The following MYO1D variants were observed in gnomAD, a reference collection of about 807,000 sequenced individuals.
MYO1D encodes unconventional myosin-Id.
A neutral mutation model predicts 122.0 loss-of-function variants in MYO1D; 83 were observed. That is an observed-to-expected ratio of 0.68 (90% CI 0.57 to 0.82). The LOEUF (loss-of-function observed/expected upper bound fraction) is 0.82, where lower values mean the gene tolerates loss of function less well. Among genes scored for constraint, MYO1D ranks in the 40% least tolerant of loss-of-function variants. The probability of loss-of-function intolerance (pLI) is 0.00; values close to 1 mark genes in which losing one functional copy is unlikely to be tolerated. For synonymous variants in MYO1D, 464 were observed against 446.9 expected (o/e 1.04, Z -0.48); for missense variants, 1,157 against 1,269.5 (o/e 0.91, Z 1.35).
intron 5 of MYO1D, among the ~76,000 whole-genome samples, chr17:32,772,015 T>A (rs1319438069): frequency 6.6e-6 from 1 of 152,200 alleles, no homozygotes; most frequent in East Asian, 1.9e-4. Context: ...TTAAACTTAA[T>A]ATACCAGAAC....
chr17:32,836,602 T>C (rs1042801762), intron 1 of MYO1D, among the ~76,000 whole-genome samples: 1 of 152,182 alleles, frequency 6.6e-6, no homozygotes, highest in Non-Finnish European at 1.5e-5. Context: ...CTTCCTTTGT[T>C]CAACATAGTG....
chr17:32,785,291 A>T (rs907785826), intron 1 of MYO1D, among the ~76,000 whole-genome samples: 1 of 152,192 alleles, frequency 6.6e-6, no homozygotes, highest in African/African-American at 2.4e-5. Context: ...AAATATATGG[A>T]ACCAATTATA....
intron 16 of MYO1D, among the ~76,000 whole-genome samples, chr17:32,709,328 T>G (rs940253759): frequency 2.6e-5 from 4 of 151,962 alleles, no homozygotes; most frequent in African/African-American, 9.7e-5. Context: ...CTTGAATCAA[T>G]CAATCTCTTG....
intron 1 of MYO1D, among the ~76,000 whole-genome samples, chr17:32,827,187 C>T (rs985286938): frequency 6.6e-6 from 1 of 152,160 alleles, no homozygotes; most frequent in East Asian, 1.9e-4. Flanking sequence ...TATGAACACA[C>T]AATGGAATAT....
At position 32,765,159 on chromosome 17, in the gene MYO1D, AGG is replaced by A. The variant is rs2090042989; in HGVS notation, c.832-80_832-79del. On this transcript the variant is annotated intron_variant, in intron 7 of 21. Transcript: ENST00000318217. ...TATTTGCCAATATAAAATACAATTC[AGG>A]TGACCTTGTTTGTACCTATTTTCCT... The A allele has an allele frequency of 9.0e-6, 11 of 1,220,090 alleles. No homozygotes were observed. In the South Asian group the frequency reaches 1.5e-4, roughly 16 times the overall value. The allele number at this position is 1,220,090 out of a possible 1,614,324, so 75.6% of individuals were successfully genotyped here. A position where few individuals can be genotyped will look rare whatever the true frequency, so the allele number is the denominator to read the frequency against.
intron 21 of MYO1D, among the ~76,000 whole-genome samples, chr17:32,533,723 T>C (rs1225263933): frequency 6.6e-6 from 1 of 152,184 alleles, no homozygotes; most frequent in Non-Finnish European, 1.5e-5. Flanking sequence ...AGTTCCACCA[T>C]GTGCTGAGCT....
chr17:32,508,103 G>A (rs993377785), intron 21 of MYO1D, among the ~76,000 whole-genome samples: 1 of 151,842 alleles, frequency 6.6e-6, no homozygotes, highest in Non-Finnish European at 1.5e-5. Context: ...CATCATGTTG[G>A]CCAGGCTGGT....
intron 21 of MYO1D, among the ~76,000 whole-genome samples, chr17:32,572,012 C>T (rs2087234079): frequency 3.3e-5 from 5 of 152,086 alleles, no homozygotes; most frequent in Admixed American, 1.3e-4. Context: ...GATATATATC[C>T]ACTGACTTCC....
chr17:32,632,760 G>C (rs886350952), intron 20 of MYO1D, among the ~76,000 whole-genome samples: 1 of 151,998 alleles, frequency 6.6e-6, no homozygotes, highest in African/African-American at 2.4e-5. Context: ...AGGTAAGACG[G>C]AAAGGAGGGT....
chr17:32,703,451 G>GT (rs919547291), intron 16 of MYO1D, among the ~76,000 whole-genome samples: 3,322 of 141,914 alleles, frequency 0.023, 54 homozygotes, highest in African/African-American at 0.043. Flanking sequence ...CCTTTTGCTT[G>GT]TTTTTTTTTT....
chr17:32,682,508 T>G (rs1461128613), intron 16 of MYO1D, among the ~76,000 whole-genome samples: 1 of 151,626 alleles, frequency 6.6e-6, no homozygotes, highest in South Asian at 2.1e-4. Flanking sequence ...CCTTCACTTA[T>G]GAAGCTTAGT....
At chr17:32,770,210 C>T (rs1322400728) in intron 6 of MYO1D, among the ~76,000 whole-genome samples, 1 of 152,106 alleles carries the variant, frequency 6.6e-6, no homozygotes, top group Non-Finnish European at 1.5e-5. Context: ...TACAGCTAAA[C>T]CAATAATGCA....
In MYO1D at chr17:32,711,971, A is replaced by G. The variant is rs2089382226; in HGVS notation, c.2121+17T>C. On this transcript the variant is annotated intron_variant, in intron 16 of 21. Coordinates refer to ENST00000318217, the MANE Select transcript of MYO1D (RefSeq NM_015194.3). ...TAAAAGCAAAATCTTATCCTTATATATAAAATATAAAATTACCTTTTGTAG... is the reference window on the plus strand; with the variant it reads ...TAAAAGCAAAATCTTATCCTTATATGTAAAATATAAAATTACCTTTTGTAG... The G allele has an allele frequency of 5.7e-6, 9 of 1,587,296 alleles. No individual in the cohort carries two copies. In the East Asian group the frequency reaches 2.0e-4, roughly 36 times the overall value.
At chr17:32,642,408 A>G (rs1476540688) in intron 19 of MYO1D, among the ~76,000 whole-genome samples, 3 of 152,196 alleles carry the variant, frequency 2.0e-5, no homozygotes, top group Non-Finnish European at 2.9e-5. Flanking sequence ...TGACTTGGCA[A>G]TGCAGGCTCT....
rs1181684466 is a variant in MYO1D at position 32,729,928 on chromosome 17, G to A, written c.1746+8325C>T. On this transcript the variant is annotated intron_variant, in intron 14 of 21. Coordinates refer to ENST00000318217, the MANE Select transcript of MYO1D (RefSeq NM_015194.3). ...ACTTTCAGTTGTTCTATTTCCTTAC[G>A]GGTGTCACTAATAAATAGCATATAT... Among the ~76,000 whole-genome samples the A allele has an allele frequency of 3.3e-5, 5 of 152,060 alleles. No homozygotes were observed. In the South Asian group the frequency reaches 6.2e-4, roughly 19 times the overall value.
chr17:32,670,566 C>A (rs999499072), intron 16 of MYO1D, among the ~76,000 whole-genome samples: 4 of 152,166 alleles, frequency 2.6e-5, no homozygotes, highest in Admixed American at 1.3e-4. Context: ...GCCTGAAGTC[C>A]AAGCTACAAG....
chr17:32,592,530 A>G (rs8067122), intron 21 of MYO1D, among the ~76,000 whole-genome samples: 70,195 of 151,962 alleles, frequency 0.46, 16,752 homozygotes, highest in Middle Eastern at 0.58. Flanking sequence ...TCAATTTGGT[A>G]TTTACACCAA....
chr17:32,581,923 C>T (rs1450614322), intron 21 of MYO1D, among the ~76,000 whole-genome samples: 2 of 152,030 alleles, frequency 1.3e-5, no homozygotes, highest in Non-Finnish European at 2.9e-5. Context: ...CACCACCACA[C>T]CTGGCTAATT....
chr17:32,533,900 T>A (rs1487476862), intron 21 of MYO1D, among the ~76,000 whole-genome samples: 3 of 152,216 alleles, frequency 2.0e-5, no homozygotes, highest in Non-Finnish European at 4.4e-5. Context: ...TGGGAAATTA[T>A]CAAAATGCCC....
Sources: gnomAD v4.1 joint callset for allele counts (sites outside exome capture counted in the v4.1 genomes callset) on GRCh38, gnomAD v4.1.1 for gene constraint, MANE v1.5 for transcripts, NCBI Gene and HGNC (gene_info 2026-07-23, HGNC 2026-07-21) for gene names.